ART1: variants seen among roughly 807,000 people sequenced by gnomAD.
ART1 encodes the protein GPI-linked NAD(P)(+)--arginine ADP-ribosyltransferase 1.
Under a neutral mutation model 27.0 loss-of-function variants are expected in ART1, and 29 were observed. That is an observed-to-expected ratio of 1.08 (90% CI 0.80 to 1.47). ART1 has a LOEUF of 1.47. Ranked by LOEUF, ART1 falls within the 40% of genes most tolerant of loss-of-function variation. The pLI is 0.00. For missense variants in ART1, 480 were observed against 423.0 expected, an observed-to-expected ratio of 1.13 and a Z score of -1.18; for synonymous variants, 201 against 172.2, an observed-to-expected ratio of 1.17 and a Z score of -1.31.
chr11:3,654,891 A>T (rs1201521944), intron 1 of ART1, among the ~76,000 whole-genome samples: 3 of 152,054 alleles, frequency 2.0e-5, no homozygotes, highest in Admixed American at 1.3e-4. Context: ...CAAGCCTCTG[A>T]TGTATCTTGT....
Position 3,663,124 on chromosome 11 carries a change from C to CTCATCTCA in ART1, c.887-965_887-958dup, listed in dbSNP as rs1367244782. Among the ~76,000 whole-genome samples the CTCATCTCA allele has an allele frequency of 4.1e-5, 6 of 147,360 alleles. 1 individual carries two copies. Among genetic ancestry groups the CTCATCTCA allele is most frequent in the Admixed American group, 3.4e-4 (5 of 14,840 alleles). On this transcript the variant is annotated intron_variant, in intron 4 of 4. Coordinates refer to ENST00000250693, the MANE Select transcript of ART1 (RefSeq NM_004314.3). The stretch of plus-strand genomic sequence containing the variant: ...CTCATCTCATCTCATCTCATCTCAT[C>CTCATCTCA]TCATCTCATCTCATCTCATCATCAT...
At chr11:3,657,796 G>T (rs1413614125) in intron 1 of ART1, among the ~76,000 whole-genome samples, 1 of 152,040 alleles carries the variant, frequency 6.6e-6, no homozygotes, top group African/African-American at 2.4e-5. Flanking sequence ...CATAGAGAAG[G>T]ATTTATATAC....
intron 1 of ART1, among the ~76,000 whole-genome samples, chr11:3,655,264 T>C (rs934060350): frequency 3.9e-5 from 6 of 152,146 alleles, no homozygotes; most frequent in African/African-American, 1.4e-4. Flanking sequence ...GACAAGTACA[T>C]GGGTGCAGTG....
chr11:3,659,893 GCCC>G lies in ART1; in HGVS notation c.377_379del (p.Pro126del), dbSNP rs1244619325. 8 of 1,612,682 alleles carry G rather than the reference GCCC, an allele frequency of 5.0e-6. No homozygotes were observed. The highest frequency in any genetic ancestry group is 6.8e-6 in the Non-Finnish European group (8 of 1,179,532). On this transcript the variant is annotated inframe_deletion, in exon 3 of 5. Coordinates refer to ENST00000250693, the MANE Select transcript of ART1 (RefSeq NM_004314.3). ...GCCCTCCTGGCCTACACAGCCAACA[GCCC>G]CCTGCACAAGGAGTTCAATGCAGCC...
intron 1 of ART1, among the ~76,000 whole-genome samples, chr11:3,658,667 C>G (rs983539877): frequency 6.6e-6 from 1 of 152,142 alleles, no homozygotes; most frequent in Non-Finnish European, 1.5e-5. Context: ...CCTGGAGATC[C>G]TGCTAAGGCC....
chr11:3,657,790 GAGA>G (rs1220942032), intron 1 of ART1, among the ~76,000 whole-genome samples: 4 of 152,116 alleles, frequency 2.6e-5, no homozygotes. Context: ...CACACACATA[GAGA>G]AGGATTTATA....
At position 3,661,361 on chromosome 11, in the gene ART1, C is replaced by A. The variant is rs769628193; in HGVS notation, c.845-11C>A. On this transcript the variant is annotated splice_polypyrimidine_tract_variant and intron_variant, in intron 3 of 4. Transcript: ENST00000250693. ...CTGAGCCTTTCATTCTTTACTGTTT[C>A]TTTTCTATAGACAAGAAGTGCAAGT... is the stretch of plus-strand genomic sequence containing the variant. The A allele has an allele frequency of 5.0e-6, 8 of 1,611,050 alleles. No homozygotes were observed. Among genetic ancestry groups the A allele is most frequent in the Non-Finnish European group, 6.8e-6 (8 of 1,179,226 alleles).
intron 1 of ART1, among the ~76,000 whole-genome samples, chr11:3,648,769 C>T (rs1022236140): frequency 7.2e-5 from 11 of 151,908 alleles, no homozygotes; most frequent in Admixed American, 1.3e-4. Context: ...CGGCAAGTCC[C>T]GCTTTTCTGG....
Position 3,660,290 on chromosome 11 carries a change from G to A in ART1, c.771G>A (p.Leu257=), listed in dbSNP as rs144426322. 148 of 1,609,858 alleles carry A rather than the reference G, an allele frequency of 9.2e-5. No individual in the cohort carries two copies. Among genetic ancestry groups the A allele is most frequent in the South Asian group, 6.5e-4 (59 of 91,068 alleles). Residue 257 remains leucine, a synonymous_variant, in exon 3 of 5, where the codon CTG becomes CTA. Coordinates refer to ENST00000250693, the MANE Select transcript of ART1 (RefSeq NM_004314.3). ...ETFQVINASR[L]AQGPARIYLR... ...TCCAAGTGATCAATGCCAGCAGACT[G>A]GCCCAGGGCCCCGCCCGCATCTACC...
chr11:3,659,414 C>T, intron 2 of ART1, 138 bp downstream of exon 2: 1 of 1,396,884 alleles, frequency 7.2e-7, no homozygotes, highest in Non-Finnish European at 9.9e-7. Flanking sequence ...GGGGACAGCT[C>T]CAGATGCTAG....
chr11:3,652,726 A>G (rs887212185), intron 1 of ART1, among the ~76,000 whole-genome samples: 5 of 151,556 alleles, frequency 3.3e-5, no homozygotes, highest in Admixed American at 2.0e-4. Flanking sequence ...CTACTCATAC[A>G]TGTCCTGCTC....
rs765406319 is a variant in ART1 at position 3,660,102 on chromosome 11, G to A, written c.583G>A (p.Val195Met). The change falls in exon 3 of 5, where the codon GTG becomes ATG. Residue 195 changes from valine to methionine, a missense_variant. Val to Met is a conservative substitution (Grantham distance 21). Coordinates refer to ENST00000250693, the MANE Select transcript of ART1 (RefSeq NM_004314.3). ...CCGGCCAGCAGGGCCCCGGGCCACC[G>A]TGAGGCTGGGGGGCTTTGCTTCTGC... The part of the protein sequence containing the change: ...RFRPAGPRAT[V>M]RLGGFASASL... The A allele has an allele frequency of 6.2e-6, 10 of 1,613,656 alleles. No homozygotes were observed. Among genetic ancestry groups the A allele is most frequent in the Non-Finnish European group, 6.8e-6 (8 of 1,179,970 alleles).
In ART1 at chr11:3,659,935, G is replaced by C; in HGVS notation, c.416G>C (p.Gly139Ala). ...TTCAATGCAGCCGTGCGTGAGGCGG[G>C]CCGCTCCCGGGCCCACTACCTCCAC... ...KEFNAAVREA[G>A]RSRAHYLHHF... Residue 139 changes from glycine (G) to alanine (A), a missense_variant, in exon 3 of 5, where the codon GGC becomes GCC. Physicochemically the swap from Gly to Ala is moderately conservative, Grantham distance 60. Coordinates refer to ENST00000250693, the MANE Select transcript of ART1 (RefSeq NM_004314.3). 6.2e-7 allele frequency: 1 copy of C among 1,613,492 alleles called. No homozygotes were observed. The highest frequency in any genetic ancestry group is 1.3e-5 in the African/African-American group (1 of 75,058).
intron 4 of ART1, 156 bp from the exon 5 acceptor site, chr11:3,663,936 C>G (rs550718592): frequency 3.2e-6 from 2 of 630,124 alleles, no homozygotes; most frequent in East Asian, 5.6e-5. Flanking sequence ...ATCTTCATCT[C>G]TGTTGCCCGT....
rs1554883211 is a variant in ART1, at chr11:3,663,033, A to ATCATCTCATCTCATC, written c.887-1028_887-1014dup. 8.3e-3 allele frequency among the ~76,000 whole-genome samples: 679 copies of ATCATCTCATCTCATC among 82,268 alleles called. 62 individuals carry two copies. Among genetic ancestry groups the ATCATCTCATCTCATC allele is most frequent in the East Asian group, 0.041 (84 of 2,064 alleles). The allele number at this position is 82,268 out of a possible 152,430, so 54.0% of individuals were successfully genotyped here. A position where few individuals can be genotyped will look rare whatever the true frequency, so the allele number is the denominator to read the frequency against. On this transcript the variant is annotated intron_variant, in intron 4 of 4. Transcript: ENST00000250693. Reference sequence around the variant, plus strand: ...TCATCTCATCATCTCATCTCATCTCATCATCTCATCTCATCTCATCTCATC... The same window carrying ATCATCTCATCTCATC: ...TCATCTCATCATCTCATCTCATCTCATCATCTCATCTCATCTCATCTCATCTCATCTCATCTCATC...
chr11:3,647,172 A>C (rs1050136641), intron 1 of ART1, among the ~76,000 whole-genome samples: 2 of 152,018 alleles, frequency 1.3e-5, no homozygotes, highest in Non-Finnish European at 2.9e-5. Context: ...AAAAATATAA[A>C]ATTAGCCAGG....
chr11:3,652,346 G>C (rs2077530680), intron 1 of ART1, among the ~76,000 whole-genome samples: 1 of 149,096 alleles, frequency 6.7e-6, no homozygotes, highest in Non-Finnish European at 1.5e-5. Context: ...AAACAGACCA[G>C]CCTTTACTAG....
chr11:3,663,545 G>C (rs920691371), intron 4 of ART1, among the ~76,000 whole-genome samples: 1 of 152,102 alleles, frequency 6.6e-6, no homozygotes, highest in Non-Finnish European at 1.5e-5. Flanking sequence ...AGAGAAACTG[G>C]GACTCTAATT....
intron 1 of ART1, among the ~76,000 whole-genome samples, chr11:3,645,432 C>G (rs187155628): frequency 1.3e-5 from 2 of 152,072 alleles, no homozygotes; most frequent in African/African-American, 2.4e-5. Flanking sequence ...AGAATTGCTC[C>G]GAGCAGGATG....
Sources: gnomAD v4.1 joint callset for allele counts (sites outside exome capture counted in the v4.1 genomes callset) on GRCh38, gnomAD v4.1.1 for gene constraint, MANE v1.5 for transcripts, NCBI Gene and HGNC (gene_info 2026-07-23, HGNC 2026-07-21) for gene names.